Variants in RBPMS observed in about 807,000 individuals in gnomAD.
RBPMS encodes RNA binding protein, mRNA processing factor, also known as RNA-binding protein with multiple splicing.
RBPMS carries 7 observed loss-of-function variants against 26.8 expected under a neutral mutation model. The ratio of observed to expected loss-of-function variants is 0.26; its 90% CI spans 0.15 to 0.49. The LOEUF is 0.49. Among genes scored for constraint, RBPMS ranks in the 20% least tolerant of loss-of-function variants. The pLI, the probability that RBPMS is intolerant of heterozygous loss-of-function variation, is 0.98. For synonymous variants in RBPMS, 96 were observed against 93.3 expected (o/e 1.03, Z -0.17); for missense variants, 186 against 250.0 (o/e 0.74, Z 1.73).
chr8:30,489,467 C>A lies in RBPMS; in HGVS notation c.246+10090C>A, dbSNP rs938472872. On this transcript the variant is annotated intron_variant, in intron 4 of 8. Transcript: ENST00000397323. ...CTAAAGTCTCTTTTTCTTTTCTTTT[C>A]TTTTTTTCGAGACAGTCTCGCTCTG... 2.0e-5 allele frequency among the ~76,000 whole-genome samples: 3 copies of A among 151,160 alleles called. No homozygotes were observed. The East Asian group carries it at 6.0e-4, about 30-fold the overall frequency.
At chr8:30,555,928 C>A (rs946259849) in intron 6 of RBPMS, 15 of 984,188 alleles carry the variant, frequency 1.5e-5, no homozygotes, top group African/African-American at 1.7e-5. Context: ...GGCCGGCTGC[C>A]CGAACTCTGC....
At chr8:30,554,368 A>G (rs1826659718) in intron 6 of RBPMS, among the ~76,000 whole-genome samples, 1 of 152,216 alleles carries the variant, frequency 6.6e-6, no homozygotes, top group African/African-American at 2.4e-5. Context: ...GCTGTTCCAT[A>G]ATCCAGAGAT....
In RBPMS at chr8:30,571,908, T is replaced by C. The variant is rs1220867438; in HGVS notation, c.*1383T>C. On this transcript the variant is annotated 3_prime_UTR_variant, in exon 9 of 9. Coordinates refer to ENST00000397323, the MANE Select transcript of RBPMS (RefSeq NM_001008710.3). The stretch of plus-strand genomic sequence containing the variant: ...ATCCGCTCGGCTTATGTTGAAAATT[T>C]CAATGTCATGATTACCTGGTTGGTT... The C allele has an allele frequency of 2.0e-5, 3 of 152,228 alleles. No homozygotes were observed. The East Asian group carries it at 5.8e-4, about 29-fold the overall frequency. The allele number at this position is 152,228 out of a possible 1,614,324, so 9.4% of individuals were successfully genotyped here. A position where few individuals can be genotyped will look rare whatever the true frequency, so the allele number is the denominator to read the frequency against.
chr8:30,486,291 G>T (rs1166880558), intron 4 of RBPMS, among the ~76,000 whole-genome samples: 1 of 151,848 alleles, frequency 6.6e-6, no homozygotes, highest in Non-Finnish European at 1.5e-5. Flanking sequence ...AGTGAGCCAA[G>T]ATCGCACCAC....
Position 30,426,967 on chromosome 8 carries a change from G to GT in RBPMS, c.66+41815dup, listed in dbSNP as rs531805548. 1.2e-4 allele frequency among the ~76,000 whole-genome samples: 18 copies of GT among 151,900 alleles called. No individual in the cohort carries two copies. In the East Asian group the frequency reaches 2.7e-3, roughly 23 times the overall value. ...TTACTGCCCCTTCCCTTTTTCTTTT[G>GT]TTTTTTGAGAAGGGGTCTCGCTTTG... On this transcript the variant is annotated intron_variant, in intron 1 of 8. Transcript: ENST00000397323.
intron 5 of RBPMS, among the ~76,000 whole-genome samples, chr8:30,525,348 AC>A (rs1306273787): frequency 6.6e-6 from 1 of 152,214 alleles, no homozygotes; most frequent in African/African-American, 2.4e-5. Flanking sequence ...TCATTTTTCC[AC>A]TTGACCCTTC....
intron 2 of RBPMS, among the ~76,000 whole-genome samples, chr8:30,475,850 G>A (rs562163799): frequency 1.3e-5 from 2 of 152,266 alleles, no homozygotes; most frequent in Admixed American, 1.3e-4. Flanking sequence ...GACAGCCATC[G>A]CTTTAATGCA....
chr8:30,434,357 T>TA (rs1200456815), intron 1 of RBPMS, among the ~76,000 whole-genome samples: 2 of 151,938 alleles, frequency 1.3e-5, no homozygotes, highest in East Asian at 3.9e-4. Context: ...GTAGGGGAGT[T>TA]ACTATCATTG....
Position 30,384,939 on chromosome 8 carries a change from G to T in RBPMS, c.-154G>T. The T allele has an allele frequency of 2.3e-6, 1 of 439,254 alleles. No individual in the cohort carries two copies. The highest frequency in any genetic ancestry group is 7.1e-5 in the South Asian group (1 of 14,110). 27.2% of individuals were successfully genotyped at this position (439,254 alleles called of 1,614,324 possible). On this transcript the variant is annotated 5_prime_UTR_variant, in exon 1 of 9. Transcript: ENST00000397323. This position sits in a 1 kb window ranked among gnomAD's most constrained non-coding sequence, Gnocchi z 5.6. ...GGGAGCCCCAGCCCAACCCGAGCCCGACAGCCACTGCCCCGGCTCCAGCTC... is the reference window on the plus strand; with the variant it reads ...GGGAGCCCCAGCCCAACCCGAGCCCTACAGCCACTGCCCCGGCTCCAGCTC...
chr8:30,523,491 A>G (rs182705180), intron 5 of RBPMS, among the ~76,000 whole-genome samples: 23 of 151,852 alleles, frequency 1.5e-4, no homozygotes, highest in Admixed American at 1.4e-3. Flanking sequence ...TGAGTACTAC[A>G]TAATGGCATG....
At chr8:30,441,808 A>G (rs1417520785) in intron 1 of RBPMS, among the ~76,000 whole-genome samples, 1 of 152,050 alleles carries the variant, frequency 6.6e-6, no homozygotes, top group Admixed American at 6.6e-5. Context: ...AAATAACTTT[A>G]TTTTTCTTTT....
intron 1 of RBPMS, among the ~76,000 whole-genome samples, chr8:30,462,956 C>T (rs919173666): frequency 6.6e-6 from 1 of 151,954 alleles, no homozygotes; most frequent in Non-Finnish European, 1.5e-5. Flanking sequence ...TATTGGGGTC[C>T]GTAATACGAA....
chr8:30,560,070 A>G (rs557902178), intron 7 of RBPMS, among the ~76,000 whole-genome samples: 56 of 152,358 alleles, frequency 3.7e-4, no homozygotes, highest in African/African-American at 1.3e-3. Flanking sequence ...CTCACAAGAA[A>G]AAGACACTAG....
intron 6 of RBPMS, chr8:30,547,358 G>A: frequency 6.2e-7 from 1 of 1,613,418 alleles, no homozygotes; most frequent in Non-Finnish European, 8.5e-7. Flanking sequence ...AATTAGATTT[G>A]TCTCTGGGAA....
intron 5 of RBPMS, among the ~76,000 whole-genome samples, chr8:30,527,430 T>A (rs186239593): frequency 1.8e-4 from 28 of 152,352 alleles, no homozygotes; most frequent in Non-Finnish European, 3.8e-4. Flanking sequence ...AAATTTTGCA[T>A]TCTCATCTCT....
chr8:30,497,281 G>T (rs1820062214), intron 4 of RBPMS, among the ~76,000 whole-genome samples: 1 of 152,260 alleles, frequency 6.6e-6, no homozygotes, highest in South Asian at 2.1e-4. Context: ...TGTGGCTCAT[G>T]CCTGTAATCC....
At chr8:30,562,120 C>A in intron 7 of RBPMS, 1 of 821,710 alleles carries the variant, frequency 1.2e-6, no homozygotes, top group Non-Finnish European at 1.5e-6. Flanking sequence ...CACTTGATGC[C>A]AGAAGTTTGA....
At chr8:30,385,879 T>C (rs1285987591) in intron 1 of RBPMS, among the ~76,000 whole-genome samples, 1 of 152,150 alleles carries the variant, frequency 6.6e-6, no homozygotes, top group East Asian at 1.9e-4. Context: ...GATGAAAGTT[T>C]TGTGACTGCG....
chr8:30,569,705 T>C (rs1212321623), intron 8 of RBPMS, among the ~76,000 whole-genome samples: 1 of 150,854 alleles, frequency 6.6e-6, no homozygotes, highest in African/African-American at 2.5e-5. Context: ...CCTAAGATGG[T>C]GATGGTGGAG....
Sources: gnomAD v4.1 joint callset for allele counts (sites outside exome capture counted in the v4.1 genomes callset) on GRCh38, gnomAD v4.1.1 for gene constraint, Gnocchi (gnomAD v3.1) non-coding constraint, MANE v1.5 for transcripts, NCBI Gene and HGNC (gene_info 2026-07-23, HGNC 2026-07-21) for gene names.